NUP133: variants seen among roughly 807,000 people sequenced by gnomAD.
NUP133 encodes the protein nucleoporin 133, also known as nuclear pore complex protein Nup133.
Under a neutral mutation model 146.2 loss-of-function variants are expected in NUP133, and 66 were observed. The ratio of observed to expected loss-of-function variants is 0.45; its 90% confidence interval spans 0.37 to 0.55. The LOEUF (loss-of-function observed/expected upper bound fraction) is 0.55, where lower values mean the gene tolerates loss of function less well. NUP133 is among the 20% of genes least tolerant of loss of function. The pLI is 0.00. For synonymous variants in NUP133, 521 were observed against 498.8 expected, an observed-to-expected ratio of 1.04 and a Z score of -0.59; for missense variants, 1,277 against 1,374.8, an observed-to-expected ratio of 0.93 and a Z score of 1.12.
chr1:229,466,565 G>C, intron 16 of NUP133, 69 bp downstream of exon 16: 1 of 1,565,930 alleles, frequency 6.4e-7, no homozygotes, highest in Non-Finnish European at 8.8e-7. Context: ...GTAGGAACAT[G>C]GAAACCAGTT....
chr1:229,445,948 G>C (rs1660291131), intron 24 of NUP133, among the ~76,000 whole-genome samples: 1 of 152,178 alleles, frequency 6.6e-6, no homozygotes, highest in African/African-American at 2.4e-5. Context: ...AAAATTGTGA[G>C]TAGGAGAAGG....
intron 16 of NUP133, 148 bp downstream of exon 16, chr1:229,466,486 A>G: frequency 1.5e-6 from 1 of 670,626 alleles, no homozygotes; most frequent in Non-Finnish European, 2.4e-6. Context: ...TTAATAATAA[A>G]ATGACATTTT....
chr1:229,474,772 G>A (rs1661036348), intron 14 of NUP133, among the ~76,000 whole-genome samples: 1 of 152,120 alleles, frequency 6.6e-6, no homozygotes, highest in Admixed American at 6.5e-5. Flanking sequence ...AATTAGCCGG[G>A]TGTGGTAGTG....
chr1:229,451,404 CT>C (rs1232719251), intron 22 of NUP133, among the ~76,000 whole-genome samples: 1 of 142,358 alleles, frequency 7.0e-6, no homozygotes, highest in Non-Finnish European at 1.5e-5. Flanking sequence ...GATCTTGTCT[CT>C]AAAAAAAAAT....
At chr1:229,457,643 C>G (rs6690907) in intron 21 of NUP133, among the ~76,000 whole-genome samples, 38,427 of 151,922 alleles carry the variant, frequency 0.25, 6,008 homozygotes, top group African/African-American at 0.44. Flanking sequence ...TGTTAATTCT[C>G]TTGTTGTAAT....
chr1:229,483,168 G>A (rs761887392), intron 12 of NUP133, among the ~76,000 whole-genome samples: 4 of 152,138 alleles, frequency 2.6e-5, no homozygotes, highest in Non-Finnish European at 5.9e-5. Context: ...GTGTGATTAT[G>A]GCTCACAGTA....
At chr1:229,477,491 A>G (rs1661106298) in intron 13 of NUP133, 106 bp downstream of exon 13, 2 of 799,848 alleles carry the variant, frequency 2.5e-6, no homozygotes, top group Non-Finnish European at 3.6e-6. Flanking sequence ...TATTGAATTA[A>G]TATTAAATTG....
rs375273351 is a variant in NUP133 at position 229,450,479 on chromosome 1, T to C, written c.3180+46A>G. On this transcript the variant is annotated intron_variant, in intron 23 of 25. Transcript: ENST00000261396. ...TAAAAGAGGGATCTCCCTCTTTTTA[T>C]ATATGTATTCAGTTGCCTGAGATCA... 6.3e-6 allele frequency: 6 copies of C among 956,466 alleles called. No homozygotes were observed. In the African/African-American group the frequency reaches 1.0e-4, roughly 16 times the overall value. The allele number at this position is 956,466 out of a possible 1,614,324, so 59.2% of individuals were successfully genotyped here.
chr1:229,488,828 C>T (rs1661430354), intron 9 of NUP133, among the ~76,000 whole-genome samples: 1 of 152,122 alleles, frequency 6.6e-6, no homozygotes, highest in South Asian at 2.1e-4. Flanking sequence ...GTCCAAGCAA[C>T]ACAGCAAGAC....
intron 15 of NUP133, among the ~76,000 whole-genome samples, chr1:229,469,501 T>C (rs1363836732): frequency 2.0e-5 from 3 of 152,106 alleles, no homozygotes; most frequent in Non-Finnish European, 4.4e-5. Context: ...AGGTACTGTT[T>C]GCAAAGGTGT....
intron 5 of NUP133, among the ~76,000 whole-genome samples, 171 bp from the exon 6 acceptor site, chr1:229,498,477 T>G (rs900668733): frequency 2.0e-5 from 3 of 152,212 alleles, no homozygotes; most frequent in Non-Finnish European, 4.4e-5. Context: ...ATTCAGTTAA[T>G]ATTATTAATC....
intron 2 of NUP133, among the ~76,000 whole-genome samples, chr1:229,503,667 G>A (rs1661861670): frequency 6.6e-6 from 1 of 152,218 alleles, no homozygotes; most frequent in African/African-American, 2.4e-5. Context: ...CCCAGGCTGA[G>A]TGAGGCTTTT....
intron 3 of NUP133, among the ~76,000 whole-genome samples, chr1:229,501,650 C>T (rs1288039428): frequency 6.6e-6 from 1 of 152,208 alleles, no homozygotes; most frequent in Non-Finnish European, 1.5e-5. Flanking sequence ...AAACATAGTT[C>T]TGTCTTCTCA....
intron 12 of NUP133, among the ~76,000 whole-genome samples, chr1:229,480,926 C>A (rs1661196193): frequency 6.7e-6 from 1 of 149,920 alleles, no homozygotes; most frequent in Non-Finnish European, 1.5e-5. Flanking sequence ...AAGTCCTGAT[C>A]TCAAATGATC....
At position 229,464,605 on chromosome 1, in the gene NUP133, C is replaced by T. The variant is rs1395867483; in HGVS notation, c.2551+19G>A. On this transcript the variant is annotated intron_variant, in intron 18 of 25. Coordinates refer to ENST00000261396, the MANE Select transcript of NUP133 (RefSeq NM_018230.3). The stretch of plus-strand genomic sequence containing the variant: ...CCATTCAGCAAATTTAAAACTCTTG[C>T]CAAGTATCATGAACTTACGAAGAGG... The T allele has an allele frequency of 1.2e-6, 2 of 1,610,172 alleles. No homozygotes were observed. The highest frequency in any genetic ancestry group is 1.7e-4 in the Middle Eastern group (1 of 6,040).
At position 229,489,426 on chromosome 1, in the gene NUP133, C is replaced by T. The variant is rs182931713; in HGVS notation, c.1194+529G>A. On this transcript the variant is annotated intron_variant, in intron 9 of 25. Coordinates refer to ENST00000261396, the MANE Select transcript of NUP133 (RefSeq NM_018230.3). ...GATCTAGAGCAGAAGAAACAAACTG[C>T]TTTCTGCTAGTTGCTTCCATTCTCA... Among the ~76,000 whole-genome samples the T allele has an allele frequency of 5.0e-4, 76 of 152,312 alleles. No individual in the cohort carries two copies. The East Asian group carries it at 0.013, about 27-fold the overall frequency.
intron 23 of NUP133, among the ~76,000 whole-genome samples, chr1:229,449,494 A>G (rs1660393320): frequency 2.6e-5 from 4 of 151,786 alleles, no homozygotes; most frequent in South Asian, 2.1e-4. Flanking sequence ...CAGCCTCCCA[A>G]GTAGCTGGGA....
chr1:229,474,301 G>C (rs1661024306), intron 14 of NUP133, among the ~76,000 whole-genome samples: 1 of 152,150 alleles, frequency 6.6e-6, no homozygotes, highest in Non-Finnish European at 1.5e-5. Flanking sequence ...ACTGTGTTTT[G>C]GGGTGGTTTA....
intron 8 of NUP133, among the ~76,000 whole-genome samples, chr1:229,494,318 T>C (rs2102780572): frequency 6.6e-6 from 1 of 152,288 alleles, no homozygotes; most frequent in South Asian, 2.1e-4. Context: ...TATAAGGTTT[T>C]CAGAGACTGT....
Sources: allele counts gnomAD v4.1 joint callset (sites outside exome capture counted in the v4.1 genomes callset), GRCh38; gene constraint gnomAD v4.1.1; transcripts MANE v1.5; gene names NCBI Gene and HGNC (gene_info 2026-07-23, HGNC 2026-07-21).